PPARGC1A: variants seen among roughly 807,000 people sequenced by gnomAD.
PPARGC1A encodes PPARG coactivator 1 alpha, also known as peroxisome proliferator-activated receptor gamma coactivator 1-alpha.
In PPARGC1A, 25 loss-of-function variants were observed where a neutral mutation model predicts 88.7. The ratio of observed to expected loss-of-function variants is 0.28; its 90% CI spans 0.21 to 0.39. The LOEUF is 0.39. Ranked by LOEUF, PPARGC1A falls within the 10% of genes least tolerant of loss-of-function variation. The pLI is 1.00. For missense variants in PPARGC1A, 880 were observed against 968.7 expected, an observed-to-expected ratio of 0.91 and a Z score of 1.22; for synonymous variants, 363 against 355.6, an observed-to-expected ratio of 1.02 and a Z score of -0.24.
the PPARGC1A span, chr4:24,091,411 G>A: frequency 5.2e-5 from 51 of 975,146 alleles, no homozygotes; most frequent in Non-Finnish European, 6.1e-5. Context: ...CCTAGACTTG[G>A]AGCCAAAAGA....
At chr4:23,933,330 A>G in the PPARGC1A span, among the ~76,000 whole-genome samples, 1,320 of 152,344 alleles carry the variant, frequency 8.7e-3, 24 homozygotes, top group African/African-American at 0.03. Flanking sequence ...GTTTTGGAGA[A>G]TAAATGAGAT....
the PPARGC1A span, among the ~76,000 whole-genome samples, chr4:23,993,983 T>C: frequency 1.3e-5 from 2 of 152,158 alleles, no homozygotes; most frequent in Non-Finnish European, 1.5e-5. Flanking sequence ...AAGGTTGTCA[T>C]TTGTGTTTGA....
At chr4:24,255,034 T>C in the PPARGC1A span, among the ~76,000 whole-genome samples, 2 of 152,184 alleles carry the variant, frequency 1.3e-5, no homozygotes, top group Admixed American at 1.3e-4. Context: ...CTGAGCATAT[T>C]TCAGGGGAAA....
chr4:24,215,961 A>C, the PPARGC1A span, among the ~76,000 whole-genome samples: 12 of 152,094 alleles, frequency 7.9e-5, no homozygotes, highest in Non-Finnish European at 1.8e-4. Flanking sequence ...GCATGGAGCT[A>C]GGTGGATAGA....
At chr4:24,156,736 C>CTTT in the PPARGC1A span, among the ~76,000 whole-genome samples, 1 of 139,488 alleles carries the variant, frequency 7.2e-6, no homozygotes, top group Non-Finnish European at 1.6e-5. Context: ...TTCTCTCTCT[C>CTTT]TTTTTTTTTT....
At chr4:24,062,781 T>C in the PPARGC1A span, among the ~76,000 whole-genome samples, 44,513 of 152,138 alleles carry the variant, frequency 0.29, 7,113 homozygotes, top group African/African-American at 0.36. Flanking sequence ...TTGACTATAC[T>C]ACCAATTCAA....
At chr4:24,461,602 G>A in the PPARGC1A span, among the ~76,000 whole-genome samples, 10,126 of 149,382 alleles carry the variant, frequency 0.068, 483 homozygotes, top group Non-Finnish European at 0.1. Flanking sequence ...TGTCTCTATC[G>A]TGTCTATCGT....
the PPARGC1A span, among the ~76,000 whole-genome samples, chr4:24,291,285 T>C: frequency 2.0e-5 from 3 of 152,330 alleles, no homozygotes; most frequent in South Asian, 4.1e-4. Context: ...TATCTCTTAA[T>C]GATATAATAA....
chr4:24,089,762 G>A, the PPARGC1A span, among the ~76,000 whole-genome samples: 4 of 151,912 alleles, frequency 2.6e-5, no homozygotes, highest in Admixed American at 6.6e-5. Flanking sequence ...TGCCTGCCTC[G>A]GCCTCCCAAA....
the PPARGC1A span, among the ~76,000 whole-genome samples, chr4:24,109,036 C>A: frequency 1.2e-4 from 15 of 128,688 alleles, no homozygotes; most frequent in South Asian, 7.0e-4. Flanking sequence ...CACACACACA[C>A]CACACACACA....
rs779915632 is a variant in PPARGC1A, at chr4:23,828,500, G to A, written c.657C>T (p.Asp219=). 4 of 1,614,060 alleles carry A rather than the reference G, an allele frequency of 2.5e-6. No individual in the cohort carries two copies. The highest frequency in any genetic ancestry group is 3.4e-6 in the Non-Finnish European group (4 of 1,179,960). The stretch of plus-strand genomic sequence containing the variant: ...TCTCTGTGGGTTTGGTGTGAGGAGG[G>A]TCATCGTTTGTGGTCAGATATTTGA... The part of the protein sequence containing the change: ...ELLKYLTTND[D]PPHTKPTENR... Residue 219 remains aspartate, a synonymous_variant, in exon 5 of 13, where the codon GAC becomes GAT. Transcript: ENST00000264867.
the PPARGC1A span, among the ~76,000 whole-genome samples, chr4:24,003,002 C>G: frequency 4.6e-5 from 7 of 152,278 alleles, no homozygotes; most frequent in Non-Finnish European, 1.0e-4. Flanking sequence ...TTTATTTAGT[C>G]TGATTCCTCT....
At chr4:24,410,121 C>T in the PPARGC1A span, among the ~76,000 whole-genome samples, 1 of 152,174 alleles carries the variant, frequency 6.6e-6, no homozygotes, top group African/African-American at 2.4e-5. Flanking sequence ...CCTCCATTAA[C>T]TTGTCTTTAC....
At chr4:23,979,994 GC>G in the PPARGC1A span, among the ~76,000 whole-genome samples, 5 of 151,996 alleles carry the variant, frequency 3.3e-5, no homozygotes, top group Non-Finnish European at 7.4e-5. Context: ...AGGGGAATTA[GC>G]CCACTGAAAA....
the PPARGC1A span, among the ~76,000 whole-genome samples, chr4:24,011,945 C>A: frequency 4.6e-5 from 7 of 152,152 alleles, no homozygotes; most frequent in East Asian, 1.2e-3. Flanking sequence ...CATTTAAATT[C>A]TGTTTTTACA....
the PPARGC1A span, among the ~76,000 whole-genome samples, chr4:24,396,481 C>T: frequency 6.6e-6 from 1 of 152,056 alleles, no homozygotes; most frequent in Non-Finnish European, 1.5e-5. Context: ...CCTCCCTGGG[C>T]AGATCAAATG....
chr4:23,988,026 T>C, the PPARGC1A span, among the ~76,000 whole-genome samples: 2 of 151,442 alleles, frequency 1.3e-5, no homozygotes, highest in East Asian at 3.9e-4. Flanking sequence ...CACTTATGAG[T>C]GAGAACATGT....
chr4:24,360,374 T>C, the PPARGC1A span, among the ~76,000 whole-genome samples: 1 of 152,156 alleles, frequency 6.6e-6, no homozygotes, highest in Non-Finnish European at 1.5e-5. Flanking sequence ...ACTCTCATCC[T>C]TCACTCTGCA....
chr4:23,857,337 T>A (rs11941854), intron 2 of PPARGC1A, among the ~76,000 whole-genome samples: 20,555 of 142,790 alleles, frequency 0.14, 1,904 homozygotes, highest in Non-Finnish European at 0.19. Context: ...GGATGAAGTT[T>A]CATAAAATCT....
Sources: allele counts gnomAD v4.1 joint callset (sites outside exome capture counted in the v4.1 genomes callset), GRCh38; gene constraint gnomAD v4.1.1; transcripts MANE v1.5; gene names NCBI Gene and HGNC (gene_info 2026-07-23, HGNC 2026-07-21).